The following LDLRAD3 variants were observed in gnomAD, a reference collection of about 807,000 sequenced individuals.
LDLRAD3 encodes the protein low-density lipoprotein receptor class A domain-containing protein 3.
Under a neutral mutation model 29.4 loss-of-function variants are expected in LDLRAD3, and 20 were observed. That is an observed-to-expected ratio of 0.68 (90% CI 0.48 to 0.99). The LOEUF is 0.99. Ranked by LOEUF, LDLRAD3 falls within the 50% of genes least tolerant of loss-of-function variation. LDLRAD3 has a pLI of 0.00. For synonymous variants in LDLRAD3, 157 were observed against 192.7 expected, an observed-to-expected ratio of 0.81 and a Z score of 1.53; for missense variants, 420 against 454.3, an observed-to-expected ratio of 0.92 and a Z score of 0.69.
chr11:36,179,905 G>A (rs896210507), intron 4 of LDLRAD3, among the ~76,000 whole-genome samples: 10 of 152,082 alleles, frequency 6.6e-5, no homozygotes, highest in African/African-American at 9.7e-5. Context: ...GGCTGAGGTC[G>A]GAGGCTTGCT....
intron 1 of LDLRAD3, among the ~76,000 whole-genome samples, chr11:35,950,843 G>A (rs999072075): frequency 6.6e-6 from 1 of 152,056 alleles, no homozygotes; most frequent in Non-Finnish European, 1.5e-5. Context: ...CAGCACTTTG[G>A]GGGGCCGAGG....
intron 3 of LDLRAD3, among the ~76,000 whole-genome samples, chr11:36,086,540 T>C (rs764263921): frequency 2.6e-5 from 4 of 152,150 alleles, no homozygotes; most frequent in Non-Finnish European, 4.4e-5. Context: ...CAGTAGTTTG[T>C]GAGTTCAGTC....
intron 4 of LDLRAD3, chr11:36,196,277 C>G (rs1855031781): frequency 6.6e-6 from 1 of 152,010 alleles, no homozygotes; most frequent in Non-Finnish European, 1.5e-5. Flanking sequence ...CTTTTTTCCT[C>G]CACATTTAAA....
intron 5 of LDLRAD3, among the ~76,000 whole-genome samples, chr11:36,227,998 C>G (rs148369321): frequency 2.8e-4 from 43 of 152,338 alleles, no homozygotes; most frequent in African/African-American, 9.1e-4. Flanking sequence ...GGAGCACTTT[C>G]AAGCTTTTTT....
chr11:36,059,860 C>T (rs553935929), intron 2 of LDLRAD3, among the ~76,000 whole-genome samples: 2 of 152,296 alleles, frequency 1.3e-5, no homozygotes, highest in East Asian at 1.9e-4. Context: ...GCTCTATCCA[C>T]CCATGCTTAG....
intron 1 of LDLRAD3, among the ~76,000 whole-genome samples, chr11:36,008,029 C>T (rs1337875102): frequency 6.6e-6 from 1 of 152,114 alleles, no homozygotes; most frequent in African/African-American, 2.4e-5. Context: ...ACCTGAGTGG[C>T]CTCTTCTCCT....
chr11:36,194,166 G>A lies in LDLRAD3; in HGVS notation c.455-32919G>A, dbSNP rs576120673. On this transcript the variant is annotated intron_variant, in intron 4 of 5. Transcript: ENST00000315571. ...GGTGCAGGGCCCGGATGTTTTGTCT[G>A]TGTACCTTAGCCCCCTGAGTTGGTA... Among the ~76,000 whole-genome samples the A allele has an allele frequency of 1.9e-3, 288 of 151,580 alleles. 1 individual carries two copies. Among genetic ancestry groups the A allele is most frequent in the Non-Finnish European group, 3.0e-3 (205 of 67,860 alleles).
chr11:36,144,199 G>A (rs555480615), intron 4 of LDLRAD3, among the ~76,000 whole-genome samples: 1 of 152,044 alleles, frequency 6.6e-6, no homozygotes, highest in East Asian at 2.0e-4. Context: ...CCGAGGTGCC[G>A]GGATGGCAGA....
At chr11:35,966,046 C>T (rs984701381) in intron 1 of LDLRAD3, among the ~76,000 whole-genome samples, 3 of 152,176 alleles carry the variant, frequency 2.0e-5, no homozygotes, top group South Asian at 2.1e-4. Context: ...TGTTCTCTAA[C>T]GTAAATTTTT....
chr11:35,961,074 A>G lies in LDLRAD3; in HGVS notation c.46+16930A>G, dbSNP rs539298957. ...GGCATGGCATGAACGTCCAGGCCCC[A>G]GCTCTGGACCGTAGGACTGGGTGAT... On this transcript the variant is annotated intron_variant, in intron 1 of 5. Transcript: ENST00000315571. Among the ~76,000 whole-genome samples the G allele has an allele frequency of 8.7e-4, 133 of 152,332 alleles. 2 individuals are homozygous for G. The highest frequency in any genetic ancestry group is 3.4e-3 in the Middle Eastern group (1 of 294).
intron 4 of LDLRAD3, among the ~76,000 whole-genome samples, chr11:36,219,502 T>C (rs953442295): frequency 1.3e-5 from 2 of 152,202 alleles, no homozygotes; most frequent in African/African-American, 4.8e-5. Context: ...AGACTCAGAC[T>C]TGTATGGTCA....
chr11:36,084,071 A>C (rs531817773), intron 3 of LDLRAD3, among the ~76,000 whole-genome samples: 1 of 150,972 alleles, frequency 6.6e-6, no homozygotes, highest in East Asian at 2.0e-4. Context: ...GGAGTGTGCC[A>C]CCACACCCTC....
At chr11:36,170,920 G>C (rs1283503193) in intron 4 of LDLRAD3, among the ~76,000 whole-genome samples, 1 of 151,956 alleles carries the variant, frequency 6.6e-6, no homozygotes, top group South Asian at 2.1e-4. Flanking sequence ...TCCTGCGTCA[G>C]CCTCCCGAGT....
At chr11:36,092,611 G>C (rs1348881189) in intron 3 of LDLRAD3, among the ~76,000 whole-genome samples, 1 of 152,128 alleles carries the variant, frequency 6.6e-6, no homozygotes, top group Non-Finnish European at 1.5e-5. Context: ...GAATTCTTGA[G>C]GTTGCTTTTT....
chr11:36,036,175 G>C lies in LDLRAD3; in HGVS notation c.119G>C (p.Gly40Ala). The change falls in exon 2 of 6, where the codon GGA becomes GCA. Residue 40 changes from glycine (G) to alanine (A), a missense_variant. By Grantham distance (60) the Gly-to-Ala change is moderately conservative (BLOSUM62 0). Coordinates refer to ENST00000315571, the MANE Select transcript of LDLRAD3 (RefSeq NM_174902.4). Reference sequence around the variant, plus strand: ...CCAGGCAACTTCATGTGCAGCAATGGACGGTGCATCCCGGGCGCCTGGCAG... The same window carrying C: ...CCAGGCAACTTCATGTGCAGCAATGCACGGTGCATCCCGGGCGCCTGGCAG... ...NIPGNFMCSN[G>A]RCIPGAWQCD... 6.2e-7 allele frequency: 1 copy of C among 1,614,198 alleles called. No homozygotes were observed. Among genetic ancestry groups the C allele is most frequent in the Non-Finnish European group, 8.5e-7 (1 of 1,180,032 alleles).
intron 4 of LDLRAD3, among the ~76,000 whole-genome samples, chr11:36,156,163 A>G (rs969713281): frequency 6.6e-6 from 1 of 152,212 alleles, no homozygotes; most frequent in African/African-American, 2.4e-5. Context: ...CTGAGTGGAA[A>G]TTGTATAACC....
At chr11:36,063,967 A>T (rs1251558530) in intron 2 of LDLRAD3, among the ~76,000 whole-genome samples, 3 of 152,162 alleles carry the variant, frequency 2.0e-5, no homozygotes, top group Non-Finnish European at 4.4e-5. Flanking sequence ...AGATTTTAGT[A>T]TAAGGGTTCC....
At chr11:35,984,954 C>G (rs1330792000) in intron 1 of LDLRAD3, among the ~76,000 whole-genome samples, 3 of 126,340 alleles carry the variant, frequency 2.4e-5, no homozygotes, top group Non-Finnish European at 5.1e-5. Flanking sequence ...TTTTTTTTTT[C>G]CCTGAGACAG....
At chr11:36,180,702 G>A (rs1236085723) in intron 4 of LDLRAD3, among the ~76,000 whole-genome samples, 7 of 152,104 alleles carry the variant, frequency 4.6e-5, no homozygotes, top group African/African-American at 1.2e-4. Context: ...GCAGAGGGTA[G>A]TGGTGGACAT....
Sources: gnomAD v4.1 joint callset for allele counts (sites outside exome capture counted in the v4.1 genomes callset) on GRCh38, gnomAD v4.1.1 for gene constraint, MANE v1.5 for transcripts, NCBI Gene and HGNC (gene_info 2026-07-23, HGNC 2026-07-21) for gene names.